Variants in DTX1 observed in about 807,000 individuals in gnomAD.
The protein encoded by DTX1 is deltex E3 ubiquitin ligase 1, also known as E3 ubiquitin-protein ligase DTX1.
Under a neutral mutation model 57.8 loss-of-function variants are expected in DTX1, and 26 were observed. The observed-to-expected ratio is 0.45, with a 90% CI of 0.33 to 0.62. DTX1 has a LOEUF of 0.62. Among genes scored for constraint, DTX1 ranks in the 20% least tolerant of loss-of-function variants. The pLI, the probability that DTX1 is intolerant of heterozygous loss-of-function variation, is 0.02. For synonymous variants in DTX1, 398 were observed against 394.1 expected (o/e 1.01, Z -0.12); for missense variants, 704 against 895.3 (o/e 0.79, Z 2.73).
In DTX1 at chr12:113,090,711, G is replaced by T. The variant is rs556687784; in HGVS notation, c.942-2451G>T. On this transcript the variant is annotated intron_variant, in intron 3 of 9. Coordinates refer to ENST00000548759, the MANE Select transcript of DTX1 (RefSeq NM_004416.3). ...AGACCTCTCCACAGCCCTCAGAGGG[G>T]TCTGGGATGGGAGTCCTGGCCACGT... Among the ~76,000 whole-genome samples the T allele has an allele frequency of 3.3e-5, 5 of 152,322 alleles. No homozygotes were observed. In the East Asian group the frequency reaches 9.6e-4, roughly 29 times the overall value.
At chr12:113,083,833 A>C (rs146848356) in intron 3 of DTX1, among the ~76,000 whole-genome samples, 1 of 151,740 alleles carries the variant, frequency 6.6e-6, no homozygotes, top group African/African-American at 2.4e-5. Context: ...CCCCTCCTGG[A>C]CCCAAACAGA....
chr12:113,063,807 C>T (rs2044682370), intron 2 of DTX1, among the ~76,000 whole-genome samples: 1 of 152,184 alleles, frequency 6.6e-6, no homozygotes. Flanking sequence ...GCTGGAGACC[C>T]TTAGGCTGTT....
At chr12:113,082,942 T>C (rs966343995) in intron 3 of DTX1, among the ~76,000 whole-genome samples, 2 of 152,180 alleles carry the variant, frequency 1.3e-5, no homozygotes, top group Non-Finnish European at 2.9e-5. Flanking sequence ...GGGGCAGTGG[T>C]AACAAAGTAA....
rs770052305 is a variant in DTX1 at position 113,077,376 on chromosome 12, C to G, written c.260-48C>G. 1 of 1,543,402 alleles carries G rather than the reference C, an allele frequency of 6.5e-7. No individual in the cohort carries two copies. Among genetic ancestry groups the G allele is most frequent in the Admixed American group, 1.9e-5 (1 of 53,030 alleles). ...GCTGTGGCCCGCCCTTCCAGCCGCG[C>G]AGACCAACGCCCGCTGTGCTGACGC... On this transcript the variant is annotated intron_variant, in intron 2 of 9. Coordinates refer to ENST00000548759, the MANE Select transcript of DTX1 (RefSeq NM_004416.3). The surrounding 1 kb of genome is among the most constrained non-coding windows in gnomAD (Gnocchi z 7.8).
chr12:113,072,908 T>C (rs1299753), intron 2 of DTX1, among the ~76,000 whole-genome samples: 94,821 of 151,536 alleles, frequency 0.63, 30,566 homozygotes, highest in Middle Eastern at 0.76. Context: ...GGTTTCACCA[T>C]GTGGGCCAGG....
At position 113,095,139 on chromosome 12, in the gene DTX1, C is replaced by T. The variant is rs1296910317; in HGVS notation, c.1484C>T (p.Ser495Leu). 7 of 1,613,526 alleles carry T rather than the reference C, an allele frequency of 4.3e-6. No homozygotes were observed. Among genetic ancestry groups the T allele is most frequent in the Non-Finnish European group, 5.9e-6 (7 of 1,179,580 alleles). Reference sequence around the variant, plus strand: ...ATGGAGTTCCACCTCATCCCCCACTCGCTGCCCGGCTTCCCTGATACCCAG... The same window carrying T: ...ATGGAGTTCCACCTCATCCCCCACTTGCTGCCCGGCTTCCCTGATACCCAG... ...GKMEFHLIPHSLPGFPDTQTI... is the reference protein window; with the variant it reads ...GKMEFHLIPHLLPGFPDTQTI... The change falls in exon 8 of 10, where the codon TCG becomes TTG. Residue 495 changes from serine (S) to leucine (L), a missense_variant. Coordinates refer to ENST00000548759, the MANE Select transcript of DTX1 (RefSeq NM_004416.3).
chr12:113,095,290 CA>C, intron 8 of DTX1, 34 bp from the exon 9 acceptor site: 2 of 1,613,456 alleles, frequency 1.2e-6, no homozygotes, highest in South Asian at 2.2e-5. Context: ...ACCACCTGTT[CA>C]TGGTCTAAAT....
intron 3 of DTX1, among the ~76,000 whole-genome samples, chr12:113,085,194 C>T (rs1280972071): frequency 1.3e-5 from 2 of 152,100 alleles, no homozygotes; most frequent in African/African-American, 4.8e-5. Flanking sequence ...GGACTACAGG[C>T]GCACGCCACC....
chr12:113,064,626 A>G (rs1424149454), intron 2 of DTX1, among the ~76,000 whole-genome samples: 1 of 152,206 alleles, frequency 6.6e-6, no homozygotes, highest in African/African-American at 2.4e-5. Context: ...CTGTGTGACC[A>G]TGGGCAAATT....
In DTX1 at chr12:113,077,652, C is replaced by G; in HGVS notation, c.488C>G (p.Thr163Arg). The G allele has an allele frequency of 6.3e-7, 1 of 1,592,656 alleles. No individual in the cohort carries two copies. Among genetic ancestry groups the G allele is most frequent in the East Asian group, 2.3e-5 (1 of 43,558 alleles). Residue 163 changes from threonine (T) to arginine (R), a missense_variant, in exon 3 of 10, where the codon ACG becomes AGG. Thr to Arg is a moderately conservative substitution (Grantham distance 71). Transcript: ENST00000548759. This position sits in a 1 kb window ranked among gnomAD's most constrained non-coding sequence, Gnocchi z 7.8. ...AGCATGTCGCAGATGAACCGCCAGA[C>G]GCGCCGGCGCCGCCGCCTGCGCCGC... ...FNSMSQMNRQ[T>R]RRRRRLRRRL...
chr12:113,078,155 G>C (rs2044789971), intron 3 of DTX1, 50 bp downstream of exon 3: 1 of 1,289,582 alleles, frequency 7.8e-7, no homozygotes, highest in East Asian at 3.4e-5. Context: ...CGCAGGCAAG[G>C]ACGAAGCCCG....
In DTX1 at chr12:113,062,648, G is replaced by T. The variant is rs536189590; in HGVS notation, c.259+4197G>T. 2.0e-5 allele frequency among the ~76,000 whole-genome samples: 3 copies of T among 152,266 alleles called. No homozygotes were observed. The South Asian group carries it at 6.2e-4, about 32-fold the overall frequency. On this transcript the variant is annotated intron_variant, in intron 2 of 9. Transcript: ENST00000548759. ...TCCACCCCTTGTGGTGTGTACCAAGGTACACGTGCGTGTGCGTACACACAC... is the reference window on the plus strand; with the variant it reads ...TCCACCCCTTGTGGTGTGTACCAAGTTACACGTGCGTGTGCGTACACACAC...
intron 2 of DTX1, among the ~76,000 whole-genome samples, chr12:113,070,832 G>A (rs2044733593): frequency 6.6e-6 from 1 of 152,140 alleles, no homozygotes; most frequent in African/African-American, 2.4e-5. Flanking sequence ...CCAGCCCTCT[G>A]CTCTCACCCT....
At position 113,071,567 on chromosome 12, in the gene DTX1, C is replaced by G. The variant is rs11066487; in HGVS notation, c.260-5857C>G. ...TCTGGGCCACCAGCCTGAGGCCCAG[C>G]CTCTTTCCCAGGCTGAAGAAACTCC... On this transcript the variant is annotated intron_variant, in intron 2 of 9. Coordinates refer to ENST00000548759, the MANE Select transcript of DTX1 (RefSeq NM_004416.3). 1.1e-3 allele frequency among the ~76,000 whole-genome samples: 174 copies of G among 152,366 alleles called. No homozygotes were observed. The East Asian group carries it at 0.018, about 16-fold the overall frequency.
At chr12:113,081,461 A>G (rs988078585) in intron 3 of DTX1, among the ~76,000 whole-genome samples, 27 of 152,346 alleles carry the variant, frequency 1.8e-4, no homozygotes, top group African/African-American at 6.0e-4. Flanking sequence ...GCTGAACAAG[A>G]CAAACAAGGC....
At chr12:113,087,568 C>G (rs538282653) in intron 3 of DTX1, among the ~76,000 whole-genome samples, 23 of 152,166 alleles carry the variant, frequency 1.5e-4, no homozygotes, top group African/African-American at 5.5e-4. Flanking sequence ...AGGCTCACAC[C>G]CCTAGAAAGG....
chr12:113,096,801 G>A lies in DTX1; in HGVS notation c.1725G>A (p.Val575=). 6.2e-7 allele frequency: 1 copy of A among 1,613,926 alleles called. No homozygotes were observed. Among genetic ancestry groups the A allele is most frequent in the Non-Finnish European group, 8.5e-7 (1 of 1,180,032 alleles). ...TSNTTGESDT[V]VWNEIHHKTE... is the part of the protein sequence containing the mutation. ...ACACCACGGGCGAGTCGGACACCGT[G>A]GTGTGGAACGAGATCCACCACAAGA... The change falls in exon 10 of 10, where the codon GTG becomes GTA. Residue 575 remains valine (V), a synonymous_variant. Transcript: ENST00000548759.
intron 3 of DTX1, among the ~76,000 whole-genome samples, chr12:113,091,569 T>G (rs1285804180): frequency 6.6e-6 from 1 of 152,082 alleles, no homozygotes; most frequent in African/African-American, 2.4e-5. Flanking sequence ...TCCATGCATG[T>G]GTGTATATTT....
At position 113,096,695 on chromosome 12, in the gene DTX1, C is replaced by T. The variant is rs1400004198; in HGVS notation, c.1639-20C>T. On this transcript the variant is annotated intron_variant, in intron 9 of 9. Transcript: ENST00000548759. Reference sequence around the variant, plus strand: ...TGCCTGTGACCTCCTCCCGGCCCCACTGTGTCCCTGTCCCCCCAGGTGCTG... The same window carrying T: ...TGCCTGTGACCTCCTCCCGGCCCCATTGTGTCCCTGTCCCCCCAGGTGCTG... 8 of 1,600,550 alleles carry T rather than the reference C, an allele frequency of 5.0e-6. No homozygotes were observed. Among genetic ancestry groups the T allele is most frequent in the African/African-American group, 1.3e-5 (1 of 74,642 alleles).
Sources: gnomAD v4.1 joint callset for allele counts (sites outside exome capture counted in the v4.1 genomes callset) on GRCh38, gnomAD v4.1.1 for gene constraint, Gnocchi (gnomAD v3.1) non-coding constraint, MANE v1.5 for transcripts, NCBI Gene and HGNC (gene_info 2026-07-23, HGNC 2026-07-21) for gene names.